Variants in ZNF438 observed in about 807,000 individuals in gnomAD.
ZNF438 encodes zinc finger protein 438.
ZNF438 carries 25 observed loss-of-function variants against 38.0 expected under a neutral mutation model. That is an observed-to-expected ratio of 0.66 (90% CI 0.48 to 0.92). ZNF438 has a LOEUF of 0.92. ZNF438 is among the 40% of genes least tolerant of loss of function. The probability of loss-of-function intolerance (pLI) is 0.00; values close to 1 mark genes in which losing one functional copy is unlikely to be tolerated. For missense variants in ZNF438, 1,007 were observed against 999.6 expected (o/e 1.01, Z -0.10); for synonymous variants, 372 against 364.1 (o/e 1.02, Z -0.25).
chr10:31,004,657 T>A (rs1041039806), intron 1 of ZNF438, among the ~76,000 whole-genome samples: 1 of 152,118 alleles, frequency 6.6e-6, no homozygotes, highest in African/African-American at 2.4e-5. Flanking sequence ...AACTGGCAGG[T>A]AGTTGAGCTC....
chr10:30,898,816 C>T (rs2041660390), intron 3 of ZNF438, among the ~76,000 whole-genome samples: 1 of 152,104 alleles, frequency 6.6e-6, no homozygotes, highest in African/African-American at 2.4e-5. Flanking sequence ...AATCATCCAT[C>T]ATCCAGTATA....
At chr10:30,995,072 AAAAT>A (rs1564816471) in intron 1 of ZNF438, among the ~76,000 whole-genome samples, 3 of 152,090 alleles carry the variant, frequency 2.0e-5, no homozygotes, top group Non-Finnish European at 2.9e-5. Context: ...AAAAGAACAA[AAAAT>A]AAATAAATAA....
intron 4 of ZNF438, among the ~76,000 whole-genome samples, chr10:30,864,363 T>G (rs1174946972): frequency 1.3e-5 from 2 of 152,182 alleles, no homozygotes; most frequent in Non-Finnish European, 2.9e-5. Flanking sequence ...TCGGGGATAC[T>G]GCACCATTGG....
intron 4 of ZNF438, among the ~76,000 whole-genome samples, chr10:30,866,862 G>C (rs1206913922): frequency 6.6e-6 from 1 of 151,878 alleles, no homozygotes; most frequent in Non-Finnish European, 1.5e-5. Flanking sequence ...ACGAAAACTG[G>C]TGCTTACGTT....
intron 1 of ZNF438, among the ~76,000 whole-genome samples, chr10:31,019,150 T>G (rs775861346): frequency 1.3e-5 from 2 of 152,158 alleles, no homozygotes; most frequent in Non-Finnish European, 2.9e-5. Flanking sequence ...TCATCAGAGT[T>G]TCTTTAAAGG....
intron 1 of ZNF438, among the ~76,000 whole-genome samples, chr10:30,976,944 A>G (rs745725219): frequency 6.6e-5 from 10 of 152,190 alleles, no homozygotes; most frequent in Non-Finnish European, 1.3e-4. Context: ...ATAAAGTTCA[A>G]CAACATAATA....
At chr10:30,915,603 GA>G (rs914435640) in intron 2 of ZNF438, among the ~76,000 whole-genome samples, 1 of 151,716 alleles carries the variant, frequency 6.6e-6, no homozygotes, top group African/African-American at 2.4e-5. Flanking sequence ...TTAATTTAAT[GA>G]AAAATATTCA....
intron 3 of ZNF438, among the ~76,000 whole-genome samples, chr10:30,881,105 T>A (rs530084882): frequency 6.6e-6 from 1 of 152,158 alleles, no homozygotes; most frequent in Non-Finnish European, 1.5e-5. Context: ...TCTCACCACT[T>A]CTATTCAACC....
At chr10:30,924,278 T>G (rs1430276937) in intron 2 of ZNF438, among the ~76,000 whole-genome samples, 1 of 152,124 alleles carries the variant, frequency 6.6e-6, no homozygotes, top group Non-Finnish European at 1.5e-5. Context: ...TTTAATCAGG[T>G]GCTGCAGCCG....
chr10:30,948,025 T>A (rs1004735105), intron 1 of ZNF438, among the ~76,000 whole-genome samples: 8 of 150,234 alleles, frequency 5.3e-5, no homozygotes, highest in African/African-American at 2.0e-4. Context: ...TATTCGGCCA[T>A]CTTGGCTCCT....
chr10:30,845,714 G>C, intron 5 of ZNF438, 141 bp from the exon 7 acceptor site: 1 of 983,534 alleles, frequency 1.0e-6, no homozygotes, highest in Non-Finnish European at 1.5e-6. Context: ...AGAGCACCTG[G>C]GAAGACCTTC....
chr10:30,891,000 C>T (rs61843595), intron 3 of ZNF438, among the ~76,000 whole-genome samples: 1 of 152,096 alleles, frequency 6.6e-6, no homozygotes, highest in Non-Finnish European at 1.5e-5. Flanking sequence ...TTTCCAATGT[C>T]GGTGTGAAGA....
chr10:30,991,305 T>C (rs540857996), intron 1 of ZNF438, among the ~76,000 whole-genome samples: 4 of 152,222 alleles, frequency 2.6e-5, no homozygotes, highest in Admixed American at 2.6e-4. Flanking sequence ...TTCTATTCTG[T>C]AGAGGCACAG....
chr10:30,896,279 G>A (rs891371697), intron 3 of ZNF438, among the ~76,000 whole-genome samples: 4 of 129,410 alleles, frequency 3.1e-5, no homozygotes, highest in African/African-American at 1.2e-4. Context: ...CTGGGCAACT[G>A]AGTGAGACTC....
intron 1 of ZNF438, among the ~76,000 whole-genome samples, chr10:30,993,672 T>A (rs548800749): frequency 1.2e-4 from 18 of 152,106 alleles, no homozygotes; most frequent in Admixed American, 5.9e-4. Context: ...CGCAGCAGAG[T>A]CCCCACTAAA....
At chr10:30,904,812 A>T (rs2934638) in intron 3 of ZNF438, among the ~76,000 whole-genome samples, 119,740 of 151,830 alleles carry the variant, frequency 0.79, 48,132 homozygotes, top group African/African-American at 0.92. Context: ...CTTTTTGCCT[A>T]GATAACTCGG....
Position 30,867,264 on chromosome 10 carries a change from G to A in ZNF438, c.37+9734C>T, listed in dbSNP as rs546116474. Among the ~76,000 whole-genome samples the A allele has an allele frequency of 5.9e-5, 9 of 152,252 alleles. No homozygotes were observed. The East Asian group carries it at 1.7e-3, about 29-fold the overall frequency. ...ATATGAGACTCAAACTATCTTCAAT[G>A]AAGCCAGAATTTAAAGATATTTGCA... is the stretch of plus-strand genomic sequence containing the variant. On this transcript the variant is annotated intron_variant, in intron 4 of 5. Transcript: ENST00000413025.
chr10:30,875,302 T>C (rs1195460433), intron 4 of ZNF438: 8 of 985,288 alleles, frequency 8.1e-6, no homozygotes, highest in African/African-American at 1.7e-5. Flanking sequence ...GCCAAGCAGC[T>C]TGTTGCTTAG....
At chr10:31,016,843 C>T (rs140261477) in intron 1 of ZNF438, among the ~76,000 whole-genome samples, 1 of 152,158 alleles carries the variant, frequency 6.6e-6, no homozygotes, top group African/African-American at 2.4e-5. Flanking sequence ...TAGCTAAATA[C>T]GTACCAAAGG....
Sources: gnomAD v4.1 joint callset for allele counts (sites outside exome capture counted in the v4.1 genomes callset) on GRCh38, gnomAD v4.1.1 for gene constraint, MANE v1.5 for transcripts, NCBI Gene and HGNC (gene_info 2026-07-23, HGNC 2026-07-21) for gene names.